MED15: variants seen among roughly 807,000 people sequenced by gnomAD.
MED15 encodes mediator of RNA polymerase II transcription subunit 15.
Under a neutral mutation model 118.7 loss-of-function variants are expected in MED15, and 41 were observed. The observed-to-expected ratio is 0.35, with a 90% CI of 0.27 to 0.45. The LOEUF (loss-of-function observed/expected upper bound fraction) is 0.45. Ranked by LOEUF, MED15 falls within the 20% of genes least tolerant of loss-of-function variation. The probability of loss-of-function intolerance (pLI) is 1.00; values close to 1 mark genes in which losing one functional copy is unlikely to be tolerated. For synonymous variants in MED15, 436 were observed against 413.9 expected (o/e 1.05, Z -0.65); for missense variants, 740 against 1,025.5 (o/e 0.72, Z 3.80).
intron 1 of MED15, among the ~76,000 whole-genome samples, chr22:20,535,769 C>A (rs1469022694): frequency 2.6e-5 from 4 of 151,832 alleles, no homozygotes; most frequent in African/African-American, 9.7e-5. Flanking sequence ...CTGTGTTAGC[C>A]AGGATGGTCG....
chr22:20,510,864 A>T (rs1275710804), intron 1 of MED15, among the ~76,000 whole-genome samples: 1 of 152,162 alleles, frequency 6.6e-6, no homozygotes, highest in African/African-American at 2.4e-5. Context: ...TTTGACATGT[A>T]ATGTAGCATA....
At chr22:20,580,630 TC>T (rs780129929) in intron 9 of MED15, among the ~76,000 whole-genome samples, 3 of 152,108 alleles carry the variant, frequency 2.0e-5, no homozygotes, top group Non-Finnish European at 4.4e-5. Context: ...AGTCTTTGCT[TC>T]CCACTCCTCG....
At position 20,554,923 on chromosome 22, in the gene MED15, T is replaced by C. The variant is rs1377317949; in HGVS notation, c.239-13T>C. ...GCCCTTTCCTGAGAAGCTCTGCCCTTGTGTTCCCACAGATCCTATGAATGC... is the reference window on the plus strand; with the variant it reads ...GCCCTTTCCTGAGAAGCTCTGCCCTCGTGTTCCCACAGATCCTATGAATGC... On this transcript the variant is annotated splice_polypyrimidine_tract_variant and intron_variant, in intron 4 of 17. Transcript: ENST00000263205. 1.9e-6 allele frequency: 3 copies of C among 1,591,240 alleles called. No homozygotes were observed. The highest frequency in any genetic ancestry group is 2.2e-5 in the East Asian group (1 of 44,752).
Position 20,507,844 on chromosome 22 carries a change from G to T in MED15, c.68+98G>T, listed in dbSNP as rs1219418779. ...GGACCCGTGAGAAACCTACGGCGCC[G>T]GGAGACAGAAGGCGCCGGGGACTTG... On this transcript the variant is annotated intron_variant, in intron 1 of 17. Transcript: ENST00000263205. 4.5e-6 allele frequency: 7 copies of T among 1,555,866 alleles called. No individual in the cohort carries two copies. In the Admixed American group the frequency reaches 7.9e-5, roughly 18 times the overall value.
chr22:20,515,756 A>C (rs749632199), intron 1 of MED15, among the ~76,000 whole-genome samples: 45 of 151,918 alleles, frequency 3.0e-4, no homozygotes, highest in Non-Finnish European at 5.3e-4. Context: ...ACTGCACTCC[A>C]GCCTGGCGAC....
chr22:20,519,991 C>G (rs1218332971), intron 1 of MED15, among the ~76,000 whole-genome samples: 5 of 151,750 alleles, frequency 3.3e-5, no homozygotes, highest in Non-Finnish European at 5.9e-5. Flanking sequence ...ACTTTTAATC[C>G]TTGGCCCCAG....
At chr22:20,543,520 C>CA (rs2055403149) in intron 2 of MED15, among the ~76,000 whole-genome samples, 1 of 147,376 alleles carries the variant, frequency 6.8e-6, no homozygotes, top group African/African-American at 2.5e-5. Flanking sequence ...CCTCCTCTTG[C>CA]ATTTTACTAC....
intron 8 of MED15, chr22:20,574,481 C>A (rs571252269): frequency 6.6e-6 from 1 of 152,390 alleles, no homozygotes; most frequent in Non-Finnish European, 1.5e-5. Context: ...GCCAAGCAGT[C>A]CCCCCAGGCT....
At position 20,564,492 on chromosome 22, in the gene MED15, A is replaced by C. The variant is rs202141218; in HGVS notation, c.494A>C (p.Gln165Pro). The change falls in exon 6 of 18, where the codon CAA becomes CCA. Residue 165 changes from glutamine (Q) to proline (P), a missense_variant. This residue lies in a region of MED15 where 117 missense variants were observed against 124.6 expected (regional missense o/e 0.94). Coordinates refer to ENST00000263205, the MANE Select transcript of MED15 (RefSeq NM_001003891.3). ...CAGGTGGCGCTGCAGCAGCAGCAGC[A>C]ACAGCAGCAGTTCCAGCAGCAGCAG... ...LQQVALQQQQ[Q>P]QQQFQQQQQA... 6.2e-7 allele frequency: 1 copy of C among 1,610,876 alleles called. No homozygotes were observed. The highest frequency in any genetic ancestry group is 8.5e-7 in the Non-Finnish European group (1 of 1,177,720).
At chr22:20,532,819 C>A (rs1394894261) in intron 1 of MED15, among the ~76,000 whole-genome samples, 1 of 152,210 alleles carries the variant, frequency 6.6e-6, no homozygotes, top group African/African-American at 2.4e-5. Context: ...GAGCTGACAC[C>A]AGTCTGCTCT....
At position 20,583,404 on chromosome 22, in the gene MED15, C is replaced by T. The variant is rs2057045828; in HGVS notation, c.1736+11C>T. ...AGACCCCTCGAAGCGGTGAGCTTTGCCCACAGCCCACGGAGGGTCCACAAG... is the reference window on the plus strand; with the variant it reads ...AGACCCCTCGAAGCGGTGAGCTTTGTCCACAGCCCACGGAGGGTCCACAAG... On this transcript the variant is annotated intron_variant, in intron 13 of 17. Transcript: ENST00000263205. 2 of 1,611,318 alleles carry T rather than the reference C, an allele frequency of 1.2e-6. No individual in the cohort carries two copies. The highest frequency in any genetic ancestry group is 1.7e-5 in the Admixed American group (1 of 60,012).
intron 2 of MED15, among the ~76,000 whole-genome samples, chr22:20,547,167 C>T (rs1256155081): frequency 1.1e-4 from 16 of 152,138 alleles, no homozygotes; most frequent in Non-Finnish European, 4.4e-5. Context: ...TATATTACCA[C>T]TGATAACAAA....
At chr22:20,514,173 C>A (rs1321505763) in intron 1 of MED15, among the ~76,000 whole-genome samples, 2 of 152,156 alleles carry the variant, frequency 1.3e-5, no homozygotes, top group African/African-American at 4.8e-5. Flanking sequence ...CCTTTGTTGA[C>A]TCTTTATTGA....
At chr22:20,556,922 G>C (rs1220235702) in intron 5 of MED15, among the ~76,000 whole-genome samples, 3 of 152,138 alleles carry the variant, frequency 2.0e-5, no homozygotes, top group Non-Finnish European at 4.4e-5. Context: ...ACCCAGCCAG[G>C]TTTTATCAGT....
intron 2 of MED15, among the ~76,000 whole-genome samples, chr22:20,542,750 G>T (rs996739895): frequency 6.6e-6 from 1 of 152,208 alleles, no homozygotes; most frequent in Non-Finnish European, 1.5e-5. Context: ...CAAGCTGGCA[G>T]TGTTTCTGCT....
At chr22:20,527,861 G>A (rs2054707884) in intron 1 of MED15, among the ~76,000 whole-genome samples, 1 of 151,456 alleles carries the variant, frequency 6.6e-6, no homozygotes, top group African/African-American at 2.4e-5. Context: ...GGAGGCTGAG[G>A]CAGAAGAATC....
At chr22:20,570,726 TTTTC>T (rs1359924164) in intron 8 of MED15, among the ~76,000 whole-genome samples, 59 of 113,840 alleles carry the variant, frequency 5.2e-4, no homozygotes, top group South Asian at 5.1e-3. Context: ...TTCTCTTTTC[TTTTC>T]TTTCTTTCTT....
intron 5 of MED15, among the ~76,000 whole-genome samples, chr22:20,563,997 A>G (rs1399939524): frequency 1.3e-5 from 2 of 152,244 alleles, no homozygotes; most frequent in Non-Finnish European, 2.9e-5. Context: ...TCGGTGTAGT[A>G]GAATATTATT....
chr22:20,543,718 C>T (rs5750938), intron 2 of MED15, among the ~76,000 whole-genome samples: 9,185 of 151,634 alleles, frequency 0.061, 644 homozygotes, highest in East Asian at 0.38. Flanking sequence ...CCACCACGCC[C>T]GGCTAATTTT....
Sources: gnomAD v4.1 joint callset for allele counts (sites outside exome capture counted in the v4.1 genomes callset) on GRCh38, gnomAD v4.1.1 for gene constraint, gnomAD v4.1.1 regional missense constraint, MANE v1.5 for transcripts, NCBI Gene and HGNC (gene_info 2026-07-23, HGNC 2026-07-21) for gene names.